Variants in SPMIP2 observed in about 807,000 individuals in gnomAD.
SPMIP2 encodes the protein sperm microtubule inner protein 2.
At chr4:158,900,831 T>A in the SPMIP2 span, among the ~76,000 whole-genome samples, 16 of 152,304 alleles carry the variant, frequency 1.1e-4, no homozygotes, top group Middle Eastern at 3.4e-3. Context: ...TAGCCCGTAT[T>A]TGATTTAAGG....
chr4:158,896,715 A>G, the SPMIP2 span, among the ~76,000 whole-genome samples: 2 of 150,890 alleles, frequency 1.3e-5, no homozygotes, highest in African/African-American at 4.9e-5. Flanking sequence ...CTTTATTTAC[A>G]AAGTATTTCC....
chr4:159,023,028 CAATAAAATAA>C, the SPMIP2 span, among the ~76,000 whole-genome samples: 15,042 of 137,180 alleles, frequency 0.11, 989 homozygotes, highest in East Asian at 0.24. Flanking sequence ...GACTCCATCT[CAATAAAATAA>C]AATAAAATAA....
At chr4:158,990,247 G>T in the SPMIP2 span, among the ~76,000 whole-genome samples, 2 of 152,204 alleles carry the variant, frequency 1.3e-5, no homozygotes, top group Non-Finnish European at 2.9e-5. Context: ...GAGAGAATGT[G>T]TAGAAATAGG....
At chr4:158,955,842 A>G in the SPMIP2 span, among the ~76,000 whole-genome samples, 3 of 152,262 alleles carry the variant, frequency 2.0e-5, no homozygotes, top group African/African-American at 7.2e-5. Flanking sequence ...TGTAAAAAAT[A>G]TGCCTTCGAA....
At chr4:159,061,432 G>A in the SPMIP2 span, among the ~76,000 whole-genome samples, 4 of 152,014 alleles carry the variant, frequency 2.6e-5, no homozygotes, top group Non-Finnish European at 5.9e-5. Context: ...ACTGGTTCAT[G>A]GTGGGTGGGA....
chr4:158,923,333 T>A, the SPMIP2 span, among the ~76,000 whole-genome samples: 7 of 152,330 alleles, frequency 4.6e-5, no homozygotes, highest in East Asian at 1.2e-3. Flanking sequence ...AATCTGTAGA[T>A]CTATTTAGGG....
chr4:158,913,255 C>T, the SPMIP2 span, among the ~76,000 whole-genome samples: 2 of 152,160 alleles, frequency 1.3e-5, no homozygotes, highest in Non-Finnish European at 2.9e-5. Context: ...CAGTCAGGCT[C>T]TCTGTCACGC....
chr4:158,943,858 C>CTTTTTTTTTTTTTTTTTTTTT, the SPMIP2 span, among the ~76,000 whole-genome samples: 1 of 101,934 alleles, frequency 9.8e-6, no homozygotes, highest in African/African-American at 3.9e-5. Flanking sequence ...TTGACATTTT[C>CTTTTTTTTTTTTTTTTTTTTT]TTTTTTTTTT....
At chr4:159,069,984 G>A in the SPMIP2 span, among the ~76,000 whole-genome samples, 170 of 151,958 alleles carry the variant, frequency 1.1e-3, 6 homozygotes, top group East Asian at 0.028. Flanking sequence ...TTTTAAGCAC[G>A]TTATTGTAAA....
chr4:158,954,399 T>G, the SPMIP2 span, among the ~76,000 whole-genome samples: 3 of 152,314 alleles, frequency 2.0e-5, no homozygotes, highest in Admixed American at 6.5e-5. Context: ...CCCAGTCATG[T>G]GGAACTGTAA....
At chr4:158,959,724 GT>G in the SPMIP2 span, among the ~76,000 whole-genome samples, 38 of 152,216 alleles carry the variant, frequency 2.5e-4, no homozygotes, top group South Asian at 7.3e-3. Flanking sequence ...TGAATCATAT[GT>G]TATACCTAGA....
At chr4:159,052,359 A>C in the SPMIP2 span, among the ~76,000 whole-genome samples, 1 of 151,102 alleles carries the variant, frequency 6.6e-6, no homozygotes, top group African/African-American at 2.5e-5. Flanking sequence ...CCATGAGTTA[A>C]GTAGACCCTG....
At chr4:158,998,859 A>AT in the SPMIP2 span, among the ~76,000 whole-genome samples, 1 of 152,114 alleles carries the variant, frequency 6.6e-6, no homozygotes, top group East Asian at 1.9e-4. Context: ...CTCTATAACA[A>AT]TATGGCTTGT....
the SPMIP2 span, among the ~76,000 whole-genome samples, chr4:158,989,261 G>A: frequency 0.011 from 1,717 of 152,214 alleles, 18 homozygotes; most frequent in Middle Eastern, 0.048. Context: ...AAAACATTCC[G>A]TGCTCATGGA....
At chr4:159,029,291 T>C in the SPMIP2 span, among the ~76,000 whole-genome samples, 3 of 152,266 alleles carry the variant, frequency 2.0e-5, no homozygotes, top group South Asian at 2.1e-4. Context: ...AGCATCTGAT[T>C]GTGGGAGGAT....
the SPMIP2 span, among the ~76,000 whole-genome samples, chr4:158,995,718 G>C: frequency 6.6e-6 from 1 of 151,972 alleles, no homozygotes; most frequent in Non-Finnish European, 1.5e-5. Context: ...TTAGCTGGGC[G>C]TGGTGGCGTG....
the SPMIP2 span, among the ~76,000 whole-genome samples, chr4:159,013,739 T>C: frequency 6.6e-6 from 1 of 152,158 alleles, no homozygotes; most frequent in Non-Finnish European, 1.5e-5. Context: ...ATTCAGATCA[T>C]AACAACATAC....
chr4:159,076,819 CA>C, the SPMIP2 span, among the ~76,000 whole-genome samples: 1 of 149,768 alleles, frequency 6.7e-6, no homozygotes, highest in Non-Finnish European at 1.5e-5. Flanking sequence ...AGACATGCAT[CA>C]CCATTCCTGG....
the SPMIP2 span, among the ~76,000 whole-genome samples, chr4:158,977,625 T>TTTC: frequency 4.8e-5 from 5 of 104,338 alleles, no homozygotes; most frequent in African/African-American, 1.5e-4. Flanking sequence ...TTTTTTTTTT[T>TTTC]TCTCTTTGAG....
Sources: gnomAD v4.1 joint callset for allele counts (sites outside exome capture counted in the v4.1 genomes callset) on GRCh38, gnomAD v4.1.1 for gene constraint, MANE v1.5 for transcripts, NCBI Gene and HGNC (gene_info 2026-07-23, HGNC 2026-07-21) for gene names.